Variants in KCTD6 observed in about 807,000 individuals in gnomAD.
KCTD6 encodes potassium channel tetramerization domain containing 6, also known as BTB/POZ domain-containing protein KCTD6.
In KCTD6, 6 loss-of-function variants were observed where a neutral mutation model predicts 18.7. The observed-to-expected ratio is 0.32, with a 90% CI of 0.18 to 0.63. The LOEUF (loss-of-function observed/expected upper bound fraction) is 0.63, where lower values mean the gene tolerates loss of function less well. KCTD6 is among the 30% of genes least tolerant of loss of function. The probability of loss-of-function intolerance (pLI) is 0.79; values close to 1 mark genes in which losing one functional copy is unlikely to be tolerated. For missense variants in KCTD6, 165 were observed against 300.2 expected (o/e 0.55, Z 3.33); for synonymous variants, 86 against 108.5 (o/e 0.79, Z 1.29).
chr3:58,495,801 G>A (rs79125120), intron 1 of KCTD6, among the ~76,000 whole-genome samples: 190 of 151,834 alleles, frequency 1.3e-3, no homozygotes, highest in African/African-American at 3.9e-3. Flanking sequence ...ATTATTAAGC[G>A]TGAGCTTTCA....
rs1215052660 is a variant in KCTD6, at chr3:58,498,832, G to A, written c.27+50G>A. On this transcript the variant is annotated intron_variant, in intron 2 of 2. Coordinates refer to ENST00000404589, the MANE Select transcript of KCTD6 (RefSeq NM_001128214.2). The surrounding 1 kb of genome is among the most constrained non-coding windows in gnomAD (Gnocchi z 4.6). The stretch of plus-strand genomic sequence containing the variant: ...TTGAAGGCTGGGGAATTATTTTTGT[G>A]TGTCTTTTTATCCTTATGTATTTTT... 2 of 1,498,182 alleles carry A rather than the reference G, an allele frequency of 1.3e-6. No individual in the cohort carries two copies. The highest frequency in any genetic ancestry group is 2.3e-5 in the East Asian group (1 of 44,036). The allele number at this position is 1,498,182 out of a possible 1,614,324, so 92.8% of individuals were successfully genotyped here. A position where few individuals can be genotyped will look rare whatever the true frequency, so the allele number is the denominator to read the frequency against.
In KCTD6 at chr3:58,496,788, T is replaced by G. The variant is rs1221877635; in HGVS notation, c.-43-1925T>G. ...TTTTCCTCTTTCTGTGTGTCCGCAT[T>G]GCACATAGGCACCCCCTCCACTCCA... is the stretch of plus-strand genomic sequence containing the variant. On this transcript the variant is annotated intron_variant, in intron 1 of 2. Coordinates refer to ENST00000404589, the MANE Select transcript of KCTD6 (RefSeq NM_001128214.2). This position sits in a 1 kb window ranked among gnomAD's most constrained non-coding sequence, Gnocchi z 5.1. Among the ~76,000 whole-genome samples, 1 of 152,216 alleles carries G rather than the reference T, an allele frequency of 6.6e-6. No homozygotes were observed. The highest frequency in any genetic ancestry group is 2.4e-5 in the African/African-American group (1 of 41,450).
chr3:58,502,210 T>G lies in KCTD6; in HGVS notation c.*578T>G, dbSNP rs1484865093. On this transcript the variant is annotated 3_prime_UTR_variant, in exon 3 of 3. Coordinates refer to ENST00000404589, the MANE Select transcript of KCTD6 (RefSeq NM_001128214.2). ...CCAAATATCTGTAGCCATGGAAATG[T>G]CTGACTAGAAATATTTATATTGAAT... 1 of 152,624 alleles carries G rather than the reference T, an allele frequency of 6.6e-6. No individual in the cohort carries two copies. The highest frequency in any genetic ancestry group is 2.4e-5 in the African/African-American group (1 of 41,436). 9.5% of individuals were successfully genotyped at this position (152,624 alleles called of 1,614,324 possible).
rs1270576864 is a variant in KCTD6, at chr3:58,492,205, G to A, written c.-44+36G>A. The A allele has an allele frequency of 2.0e-5, 3 of 149,542 alleles. No homozygotes were observed. Among genetic ancestry groups the A allele is most frequent in the African/African-American group, 7.3e-5 (3 of 41,140 alleles). 9.3% of individuals were successfully genotyped at this position (149,542 alleles called of 1,614,324 possible). On this transcript the variant is annotated intron_variant, in intron 1 of 2. Transcript: ENST00000404589. The surrounding 1 kb of genome is among the most constrained non-coding windows in gnomAD (Gnocchi z 6.1). ...CTGGCGCGGGGCTTGCGGGGCCGGG[G>A]TTTGGGAGGGCCGGGTTTCAGGAGA...
rs771670704 is a variant in KCTD6, at chr3:58,501,317, C to T, written c.399C>T (p.Ser133=). ...GTACTCGGAAGCTTTCTAAGTACTC[C>T]AACCCAGTGGCTGTCATCATAACGC... ...LSSTRKLSKY[S]NPVAVIITQL... Residue 133 remains serine, a synonymous_variant, in exon 3 of 3, where the codon TCC becomes TCT. Coordinates refer to ENST00000404589, the MANE Select transcript of KCTD6 (RefSeq NM_001128214.2). This position sits in a 1 kb window ranked among gnomAD's most constrained non-coding sequence, Gnocchi z 9.7. The T allele has an allele frequency of 1.9e-6, 3 of 1,611,768 alleles. No individual in the cohort carries two copies. The highest frequency in any genetic ancestry group is 4.5e-5 in the East Asian group (2 of 44,870).
In KCTD6 at chr3:58,501,725, TC is replaced by T. The variant is rs2063205705; in HGVS notation, c.*94del. The T allele has an allele frequency of 1.1e-6, 1 of 900,924 alleles. No individual in the cohort carries two copies. Among genetic ancestry groups the T allele is most frequent in the Admixed American group, 4.3e-5 (1 of 23,456 alleles). The allele number at this position is 900,924 out of a possible 1,614,324, so 55.8% of individuals were successfully genotyped here. ...AAATCACAGTGTGAGATATTTTTTTTCTTTTAAATAGTTGTATTTATTTGAA... is the reference window on the plus strand; with the variant it reads ...AAATCACAGTGTGAGATATTTTTTTTTTTTAAATAGTTGTATTTATTTGAA... On this transcript the variant is annotated 3_prime_UTR_variant, in exon 3 of 3. Coordinates refer to ENST00000404589, the MANE Select transcript of KCTD6 (RefSeq NM_001128214.2). The surrounding 1 kb of genome is among the most constrained non-coding windows in gnomAD (Gnocchi z 9.7).
Position 58,501,394 on chromosome 3 carries a change from A to G in KCTD6, c.476A>G (p.Tyr159Cys). Residue 159 changes from tyrosine to cysteine, a missense_variant, in exon 3 of 3, where the codon TAT becomes TGT. By Grantham distance (194) the Tyr-to-Cys change is radical. Around this residue, in one of 2 missense-constraint regions of KCTD6, gnomAD observed 106 missense variants for 230.4 expected, o/e 0.46. Transcript: ENST00000404589. This position sits in a 1 kb window ranked among gnomAD's most constrained non-coding sequence, Gnocchi z 9.7. ...TCCTTACTAGAAGGCATCTCAAATT[A>G]TTTTACCAAGTGGAATAAGCACATG... is the stretch of plus-strand genomic sequence containing the variant. ...VHSLLEGISN[Y>C]FTKWNKHMMD... is the part of the protein sequence containing the mutation. The G allele has an allele frequency of 6.3e-7, 1 of 1,580,942 alleles. No individual in the cohort carries two copies. Among genetic ancestry groups the G allele is most frequent in the South Asian group, 1.2e-5 (1 of 85,060 alleles).
rs556479200 is a variant in KCTD6, at chr3:58,497,007, G to C, written c.-43-1706G>C. On this transcript the variant is annotated intron_variant, in intron 1 of 2. Coordinates refer to ENST00000404589, the MANE Select transcript of KCTD6 (RefSeq NM_001128214.2). This position sits in a 1 kb window ranked among gnomAD's most constrained non-coding sequence, Gnocchi z 4.2. Reference sequence around the variant, plus strand: ...GATCCTGGCAAGACAAATTGGCAAAGCCCATTTCTTGGTCCTGTTTACTTC... The same window carrying C: ...GATCCTGGCAAGACAAATTGGCAAACCCCATTTCTTGGTCCTGTTTACTTC... 6.6e-6 allele frequency among the ~76,000 whole-genome samples: 1 copy of C among 152,334 alleles called. No individual in the cohort carries two copies. Among genetic ancestry groups the C allele is most frequent in the Admixed American group, 6.5e-5 (1 of 15,302 alleles).
rs367995289 is a variant in KCTD6, at chr3:58,498,684, A to C, written c.-43-29A>C. ...CTCTATTTTCCTAGTTATATATGCTATCATATGTCTGTTTTTCTCCTCTTG... is the reference window on the plus strand; with the variant it reads ...CTCTATTTTCCTAGTTATATATGCTCTCATATGTCTGTTTTTCTCCTCTTG... On this transcript the variant is annotated intron_variant, in intron 1 of 2. Coordinates refer to ENST00000404589, the MANE Select transcript of KCTD6 (RefSeq NM_001128214.2). This position sits in a 1 kb window ranked among gnomAD's most constrained non-coding sequence, Gnocchi z 4.6. 3.6e-6 allele frequency: 4 copies of C among 1,125,360 alleles called. No homozygotes were observed. The African/African-American group carries it at 4.6e-5, about 13-fold the overall frequency. The allele number at this position is 1,125,360 out of a possible 1,614,324, so 69.7% of individuals were successfully genotyped here. A position where few individuals can be genotyped will look rare whatever the true frequency, so the allele number is the denominator to read the frequency against.
In KCTD6 at chr3:58,495,173, G is replaced by T. The variant is rs536102522; in HGVS notation, c.-44+3004G>T. 3.9e-5 allele frequency among the ~76,000 whole-genome samples: 6 copies of T among 152,240 alleles called. No individual in the cohort carries two copies. The South Asian group carries it at 1.2e-3, about 32-fold the overall frequency. On this transcript the variant is annotated intron_variant, in intron 1 of 2. Transcript: ENST00000404589. ...TCCTGGTAGATTTTCTGAAATATTA[G>T]ATATTTCTTTGCTTTCATCAAGTAA...
rs1245796576 is a variant in KCTD6, at chr3:58,493,637, G to A, written c.-44+1468G>A. ...AGCTCTGGGAAAAGGAGGACCTGGG[G>A]AGATTTGAAGCAAATTAAGAGGCTG... On this transcript the variant is annotated intron_variant, in intron 1 of 2. Transcript: ENST00000404589. This position sits in a 1 kb window ranked among gnomAD's most constrained non-coding sequence, Gnocchi z 4.5. 1.3e-5 allele frequency among the ~76,000 whole-genome samples: 2 copies of A among 152,184 alleles called. No homozygotes were observed. The highest frequency in any genetic ancestry group is 1.3e-4 in the Admixed American group (2 of 15,272).
Position 58,498,862 on chromosome 3 carries a change from A to G in KCTD6, c.27+80A>G. ...TTTTTATCCTTATGTATTTTTAGGT[A>G]TATCTTATAAGAAAAGAAAATTGTG... On this transcript the variant is annotated intron_variant, in intron 2 of 2. Coordinates refer to ENST00000404589, the MANE Select transcript of KCTD6 (RefSeq NM_001128214.2). The surrounding 1 kb of genome is among the most constrained non-coding windows in gnomAD (Gnocchi z 4.6). The G allele has an allele frequency of 8.5e-7, 1 of 1,169,884 alleles. No homozygotes were observed. Among genetic ancestry groups the G allele is most frequent in the South Asian group, 1.4e-5 (1 of 72,512 alleles). The allele number at this position is 1,169,884 out of a possible 1,614,324, so 72.5% of individuals were successfully genotyped here.
rs1000204706 is a variant in KCTD6 at position 58,492,591 on chromosome 3, G to C, written c.-44+422G>C. Among the ~76,000 whole-genome samples the C allele has an allele frequency of 6.6e-6, 1 of 152,160 alleles. No individual in the cohort carries two copies. The highest frequency in any genetic ancestry group is 1.5e-5 in the Non-Finnish European group (1 of 68,002). The stretch of plus-strand genomic sequence containing the variant: ...TCGAAAATGATTGTTTTTGGGAGAT[G>C]GCGCTTATTAGCCACCAATTGCCCT... On this transcript the variant is annotated intron_variant, in intron 1 of 2. Transcript: ENST00000404589. The surrounding 1 kb of genome is among the most constrained non-coding windows in gnomAD (Gnocchi z 6.1).
chr3:58,498,898 A>T lies in KCTD6; in HGVS notation c.27+116A>T. ...GAAAAGAAAATTGTGAATTTGTGTA[A>T]CCTCTCTTCCCCCTTTTACTTAGTT... On this transcript the variant is annotated intron_variant, in intron 2 of 2. Coordinates refer to ENST00000404589, the MANE Select transcript of KCTD6 (RefSeq NM_001128214.2). The surrounding 1 kb of genome is among the most constrained non-coding windows in gnomAD (Gnocchi z 4.6). 1 of 797,436 alleles carries T rather than the reference A, an allele frequency of 1.3e-6. No homozygotes were observed. The highest frequency in any genetic ancestry group is 2.0e-6 in the Non-Finnish European group (1 of 490,038). 49.4% of individuals were successfully genotyped at this position (797,436 alleles called of 1,614,324 possible).
At position 58,497,631 on chromosome 3, in the gene KCTD6, T is replaced by C. The variant is rs1029705087; in HGVS notation, c.-43-1082T>C. On this transcript the variant is annotated intron_variant, in intron 1 of 2. Transcript: ENST00000404589. The surrounding 1 kb of genome is among the most constrained non-coding windows in gnomAD (Gnocchi z 4.2). ...TAAATTCACATTGGCATCATTAGTA[T>C]CTGAGCATTTCTCAGTGTCTTAAGG... The C allele has an allele frequency of 6.6e-6, 1 of 152,242 alleles. No individual in the cohort carries two copies. The highest frequency in any genetic ancestry group is 1.5e-5 in the Non-Finnish European group (1 of 68,040). 9.4% of individuals were successfully genotyped at this position (152,242 alleles called of 1,614,324 possible).
At position 58,497,286 on chromosome 3, in the gene KCTD6, T is replaced by C. The variant is rs2063179024; in HGVS notation, c.-43-1427T>C. On this transcript the variant is annotated intron_variant, in intron 1 of 2. Transcript: ENST00000404589. This position sits in a 1 kb window ranked among gnomAD's most constrained non-coding sequence, Gnocchi z 4.2. ...CATGCTGTGCTATGCAAATGTTCTCTACATGCCTGAGTGACCTTTTGAGAA... is the reference window on the plus strand; with the variant it reads ...CATGCTGTGCTATGCAAATGTTCTCCACATGCCTGAGTGACCTTTTGAGAA... 6.6e-6 allele frequency among the ~76,000 whole-genome samples: 1 copy of C among 152,258 alleles called. No individual in the cohort carries two copies. The highest frequency in any genetic ancestry group is 1.5e-5 in the Non-Finnish European group (1 of 68,042).
Position 58,502,273 on chromosome 3 carries a change from C to A in KCTD6, c.*641C>A, listed in dbSNP as rs1007646744. The A allele has an allele frequency of 2.0e-5, 3 of 152,112 alleles. No individual in the cohort carries two copies. The highest frequency in any genetic ancestry group is 4.8e-5 in the African/African-American group (2 of 41,260). 9.4% of individuals were successfully genotyped at this position (152,112 alleles called of 1,614,324 possible). On this transcript the variant is annotated 3_prime_UTR_variant, in exon 3 of 3. Coordinates refer to ENST00000404589, the MANE Select transcript of KCTD6 (RefSeq NM_001128214.2). Reference sequence around the variant, plus strand: ...ATGTCCCTGTGGTAGAAAACTTACTCTTTATGCCTGGTGCAGTATAATTCC... The same window carrying A: ...ATGTCCCTGTGGTAGAAAACTTACTATTTATGCCTGGTGCAGTATAATTCC...
Position 58,498,734 on chromosome 3 carries a change from TGAA to T in KCTD6, c.-19_-17del, listed in dbSNP as rs1181957636. 1 of 1,608,058 alleles carries T rather than the reference TGAA, an allele frequency of 6.2e-7. No individual in the cohort carries two copies. The highest frequency in any genetic ancestry group is 2.2e-5 in the East Asian group (1 of 44,800). The stretch of plus-strand genomic sequence containing the variant: ...GAAGTTTCCCTGAAACCTGGGCTCT[TGAA>T]GACGCATCACTGGAGCAGATGGATA... On this transcript the variant is annotated 5_prime_UTR_variant, in exon 2 of 3. Transcript: ENST00000404589. The surrounding 1 kb of genome is among the most constrained non-coding windows in gnomAD (Gnocchi z 4.6).
At position 58,496,053 on chromosome 3, in the gene KCTD6, A is replaced by G. The variant is rs2063173980; in HGVS notation, c.-43-2660A>G. ...CATTTAATCATTTGGATATTCACGG[A>G]TTGGAGTTCTTTATGTCACTACAGA... On this transcript the variant is annotated intron_variant, in intron 1 of 2. Coordinates refer to ENST00000404589, the MANE Select transcript of KCTD6 (RefSeq NM_001128214.2). The surrounding 1 kb of genome is among the most constrained non-coding windows in gnomAD (Gnocchi z 5.1). Among the ~76,000 whole-genome samples, 2 of 151,922 alleles carry G rather than the reference A, an allele frequency of 1.3e-5. No homozygotes were observed. The highest frequency in any genetic ancestry group is 4.8e-5 in the African/African-American group (2 of 41,336).
Sources: allele counts gnomAD v4.1 joint callset (sites outside exome capture counted in the v4.1 genomes callset), GRCh38; gene constraint gnomAD v4.1.1; regional missense constraint gnomAD v4.1.1; non-coding constraint Gnocchi (gnomAD v3.1); transcripts MANE v1.5; gene names NCBI Gene and HGNC (gene_info 2026-07-23, HGNC 2026-07-21).